Variants in ASCC3 observed in about 807,000 individuals in gnomAD.
ASCC3 encodes the protein activating signal cointegrator 1 complex subunit 3, also known as ASC-1 complex subunit P200.
A neutral mutation model predicts 256.3 loss-of-function variants in ASCC3; 158 were observed. That is an observed-to-expected ratio of 0.62 (90% CI 0.54 to 0.70). ASCC3 has a LOEUF of 0.70. ASCC3 is among the 30% of genes least tolerant of loss of function. The pLI is 0.00. For missense variants in ASCC3, 2,259 were observed against 2,626.0 expected (o/e 0.86, Z 3.05); for synonymous variants, 948 against 883.4 (o/e 1.07, Z -1.30).
At chr6:100,510,450 A>G in intron 40 of ASCC3, 1 of 262,694 alleles carries the variant, frequency 3.8e-6, no homozygotes, top group Non-Finnish European at 7.4e-6. Context: ...TGGTAGATGA[A>G]CAAATTGAGA....
intron 4 of ASCC3, among the ~76,000 whole-genome samples, chr6:100,826,082 TA>T (rs1771293059): frequency 6.6e-6 from 1 of 152,018 alleles, no homozygotes; most frequent in South Asian, 2.1e-4. Flanking sequence ...CCTTTGGTTT[TA>T]ATTTTTTTTC....
At chr6:100,623,435 A>C (rs551580765) in intron 30 of ASCC3, among the ~76,000 whole-genome samples, 2 of 152,330 alleles carry the variant, frequency 1.3e-5, no homozygotes, top group South Asian at 4.1e-4. Context: ...ATATCAGTTA[A>C]CTATTACACA....
rs1308307520 is a variant in ASCC3 at position 100,707,967 on chromosome 6, C to G, written c.2151+7495G>C. Reference sequence around the variant, plus strand: ...ACCACCACTTTCCCCCAAACCCCACCTGGATTTTCTCTCCTGCAATCTTAA... The same window carrying G: ...ACCACCACTTTCCCCCAAACCCCACGTGGATTTTCTCTCCTGCAATCTTAA... On this transcript the variant is annotated intron_variant, in intron 13 of 41. Coordinates refer to ENST00000369162, the MANE Select transcript of ASCC3 (RefSeq NM_006828.4). 2.0e-5 allele frequency among the ~76,000 whole-genome samples: 3 copies of G among 152,102 alleles called. No individual in the cohort carries two copies. The East Asian group carries it at 5.8e-4, about 29-fold the overall frequency.
intron 30 of ASCC3, among the ~76,000 whole-genome samples, chr6:100,614,994 AATTTTT>A (rs1316514393): frequency 6.6e-6 from 1 of 151,798 alleles, no homozygotes; most frequent in African/African-American, 2.4e-5. Flanking sequence ...TTCAGCTACT[AATTTTT>A]ATTTTTTTTT....
At chr6:100,743,939 C>T (rs1780552484) in intron 10 of ASCC3, among the ~76,000 whole-genome samples, 1 of 152,198 alleles carries the variant, frequency 6.6e-6, no homozygotes, top group Admixed American at 6.5e-5. Flanking sequence ...TCATTACCAT[C>T]ATGCAGGGTT....
chr6:100,851,353 G>T (rs191314674), intron 3 of ASCC3, among the ~76,000 whole-genome samples: 1 of 152,136 alleles, frequency 6.6e-6, no homozygotes, highest in South Asian at 2.1e-4. Context: ...TAATGTAAAA[G>T]TGTAATTAAC....
At chr6:100,767,085 A>G (rs1289420208) in intron 9 of ASCC3, 60 bp downstream of exon 9, 2 of 1,536,790 alleles carry the variant, frequency 1.3e-6, no homozygotes, top group East Asian at 4.5e-5. Flanking sequence ...TAATATTAAA[A>G]CTGCAAATTT....
chr6:100,547,595 A>C (rs1406458965), intron 36 of ASCC3, among the ~76,000 whole-genome samples: 3 of 152,060 alleles, frequency 2.0e-5, no homozygotes, highest in Non-Finnish European at 4.4e-5. Flanking sequence ...AGTTTTAAGA[A>C]AAATATAAAT....
chr6:100,711,792 T>C (rs1248861910), intron 13 of ASCC3, among the ~76,000 whole-genome samples: 1 of 152,124 alleles, frequency 6.6e-6, no homozygotes, highest in Non-Finnish European at 1.5e-5. Context: ...ATGGAAGAAA[T>C]GCCACCACAA....
At chr6:100,588,741 C>T (rs191073201) in intron 36 of ASCC3, among the ~76,000 whole-genome samples, 1 of 152,018 alleles carries the variant, frequency 6.6e-6, no homozygotes, top group Non-Finnish European at 1.5e-5. Context: ...GGGGAAAAAA[C>T]TGAGAAATTG....
chr6:100,708,370 C>T (rs1227019373), intron 13 of ASCC3, among the ~76,000 whole-genome samples: 1 of 151,906 alleles, frequency 6.6e-6, no homozygotes, highest in Non-Finnish European at 1.5e-5. Context: ...TGAATACTGC[C>T]CAGTTGAGAT....
At chr6:100,808,731 A>C (rs968181510) in intron 4 of ASCC3, among the ~76,000 whole-genome samples, 1 of 151,954 alleles carries the variant, frequency 6.6e-6, no homozygotes, top group African/African-American at 2.4e-5. Flanking sequence ...ATCATGTGTC[A>C]CTTAACAACA....
chr6:100,530,460 A>G, intron 37 of ASCC3: 1 of 809,716 alleles, frequency 1.2e-6, no homozygotes, highest in Admixed American at 1.7e-5. Context: ...ATCACTGGAA[A>G]GGAAGAAGTT....
At chr6:100,747,136 C>CAAA (rs34268050) in intron 10 of ASCC3, among the ~76,000 whole-genome samples, 2,121 of 140,128 alleles carry the variant, frequency 0.015, 50 homozygotes, top group African/African-American at 0.052. Context: ...CATATAGTTG[C>CAAA]AAAAAAAAAA....
At chr6:100,615,370 T>C (rs1221404305) in intron 30 of ASCC3, among the ~76,000 whole-genome samples, 2 of 152,100 alleles carry the variant, frequency 1.3e-5, no homozygotes, top group Non-Finnish European at 2.9e-5. Context: ...TCGATATTGT[T>C]GTCACTGATT....
chr6:100,589,253 T>C (rs997816642), intron 36 of ASCC3, among the ~76,000 whole-genome samples: 2 of 152,136 alleles, frequency 1.3e-5, no homozygotes, highest in African/African-American at 4.8e-5. Flanking sequence ...GAAACTTCAG[T>C]AGCATCACAG....
At chr6:100,634,841 C>A (rs142503946) in intron 25 of ASCC3, among the ~76,000 whole-genome samples, 43 of 137,950 alleles carry the variant, frequency 3.1e-4, no homozygotes, top group African/African-American at 1.2e-3. Flanking sequence ...GGCAACACAG[C>A]GAGACCCCAT....
chr6:100,532,557 A>G (rs1243975872), intron 37 of ASCC3, among the ~76,000 whole-genome samples: 1 of 151,792 alleles, frequency 6.6e-6, no homozygotes, highest in Non-Finnish European at 1.5e-5. Flanking sequence ...GTAATACTTC[A>G]AATGTTAGAT....
intron 36 of ASCC3, among the ~76,000 whole-genome samples, chr6:100,562,019 T>C (rs1293683408): frequency 6.6e-6 from 1 of 152,118 alleles, no homozygotes; most frequent in Non-Finnish European, 1.5e-5. Context: ...AGGAGGATGA[T>C]ATTTGTGAAG....
Sources: allele counts gnomAD v4.1 joint callset (sites outside exome capture counted in the v4.1 genomes callset), GRCh38; gene constraint gnomAD v4.1.1; transcripts MANE v1.5; gene names NCBI Gene and HGNC (gene_info 2026-07-23, HGNC 2026-07-21).